The following DEPTOR variants were observed in gnomAD, a reference collection of about 807,000 sequenced individuals.
The protein encoded by DEPTOR is DEP domain containing MTOR interacting protein.
In DEPTOR, 41 loss-of-function variants were observed where a neutral mutation model predicts 41.6. That is an observed-to-expected ratio of 0.98 (90% CI 0.77 to 1.28). The LOEUF is 1.28. DEPTOR is among the 50% of genes most tolerant of loss of function. The pLI, the probability that DEPTOR is intolerant of heterozygous loss-of-function variation, is 0.00. For missense variants in DEPTOR, 514 were observed against 527.9 expected, an observed-to-expected ratio of 0.97 and a Z score of 0.26; for synonymous variants, 195 against 192.3, an observed-to-expected ratio of 1.01 and a Z score of -0.12.
intron 8 of DEPTOR, among the ~76,000 whole-genome samples, chr8:120,032,194 A>G (rs1812900915): frequency 6.8e-6 from 1 of 148,010 alleles, no homozygotes; most frequent in Non-Finnish European, 1.5e-5. Context: ...ACTTCATTCT[A>G]ATATGACACT....
At chr8:119,997,020 A>T (rs1586650708) in intron 4 of DEPTOR, among the ~76,000 whole-genome samples, 1 of 152,196 alleles carries the variant, frequency 6.6e-6, no homozygotes, top group East Asian at 1.9e-4. Flanking sequence ...TATCATATCA[A>T]AGTGTGATTG....
chr8:120,011,649 A>G (rs1025006827), intron 8 of DEPTOR, among the ~76,000 whole-genome samples: 5 of 152,208 alleles, frequency 3.3e-5, no homozygotes, highest in Admixed American at 1.3e-4. Flanking sequence ...CATTGCAACT[A>G]AAGACCTTGT....
chr8:120,047,210 T>C (rs187627673), intron 8 of DEPTOR, among the ~76,000 whole-genome samples: 58 of 151,994 alleles, frequency 3.8e-4, no homozygotes, highest in African/African-American at 1.3e-3. Context: ...TTAGTAGAGA[T>C]GGGGTTTCAC....
At chr8:119,993,492 T>C (rs1189468698) in intron 4 of DEPTOR, among the ~76,000 whole-genome samples, 1 of 152,208 alleles carries the variant, frequency 6.6e-6, no homozygotes, top group Admixed American at 6.6e-5. Flanking sequence ...CAGTTTTCAA[T>C]TACAACTGGT....
intron 3 of DEPTOR, among the ~76,000 whole-genome samples, chr8:119,944,531 A>C (rs1173478277): frequency 1.3e-5 from 2 of 151,920 alleles, no homozygotes; most frequent in African/African-American, 2.4e-5. Context: ...CAGCTTGACT[A>C]TAAGCTCTCT....
chr8:119,985,884 A>G (rs1828824281), intron 4 of DEPTOR, among the ~76,000 whole-genome samples: 1 of 90,822 alleles, frequency 1.1e-5, no homozygotes, highest in Non-Finnish European at 2.0e-5. Context: ...TGCTTGGTAA[A>G]TATTCCTCCA....
chr8:119,929,864 TA>T lies in DEPTOR; in HGVS notation c.352del (p.Arg118GlufsTer13). 6.2e-7 allele frequency: 1 copy of T among 1,613,956 alleles called. No individual in the cohort carries two copies. The highest frequency in any genetic ancestry group is 8.5e-7 in the Non-Finnish European group (1 of 1,179,866). On this transcript the variant is annotated frameshift_variant, in exon 3 of 9. Transcript: ENST00000286234. LOFTEE classifies it high-confidence loss of function. Reference sequence around the variant, plus strand: ...AGGATGTCAAACTCTTCTACCGCTTTAGAAAGGATGACGGCACCTTCCCATT... The same window carrying T: ...AGGATGTCAAACTCTTCTACCGCTTTGAAAGGATGACGGCACCTTCCCATT... Reference protein sequence around the residue: ...FKDVKLFYRFRKDDGTFPLDN... With the variant: ...FKDVKLFYRFXKDDGTFPLDN...
At chr8:119,941,137 G>A (rs922743116) in intron 3 of DEPTOR, among the ~76,000 whole-genome samples, 2 of 152,080 alleles carry the variant, frequency 1.3e-5, no homozygotes, top group Non-Finnish European at 2.9e-5. Flanking sequence ...ACTTTGGGAG[G>A]CTGAGGTGGG....
intron 1 of DEPTOR, among the ~76,000 whole-genome samples, chr8:119,885,305 C>A (rs2129689543): frequency 6.6e-6 from 1 of 152,162 alleles, no homozygotes; most frequent in East Asian, 1.9e-4. Context: ...GTGAAATGCC[C>A]CTTAATCATC....
At chr8:119,952,214 T>C (rs2129929215) in intron 3 of DEPTOR, among the ~76,000 whole-genome samples, 1 of 152,306 alleles carries the variant, frequency 6.6e-6, no homozygotes, top group South Asian at 2.1e-4. Context: ...AAGACCTGTA[T>C]GGATTGCTCC....
At chr8:119,910,539 G>A (rs551956928) in intron 1 of DEPTOR, among the ~76,000 whole-genome samples, 3 of 151,482 alleles carry the variant, frequency 2.0e-5, no homozygotes, top group African/African-American at 7.3e-5. Flanking sequence ...TACAACCTCC[G>A]CCTCCCGGTT....
At chr8:120,036,411 C>T (rs924191720) in intron 8 of DEPTOR, among the ~76,000 whole-genome samples, 1 of 152,178 alleles carries the variant, frequency 6.6e-6, no homozygotes, top group Non-Finnish European at 1.5e-5. Flanking sequence ...TAGAGGAAGA[C>T]TAGTTCTCTG....
chr8:119,920,690 G>A (rs562187052), intron 1 of DEPTOR, among the ~76,000 whole-genome samples: 1 of 152,292 alleles, frequency 6.6e-6, no homozygotes, highest in African/African-American at 2.4e-5. Flanking sequence ...GGTCAGGGTG[G>A]AAGGCCTCCT....
chr8:119,932,159 A>T (rs1432372501), intron 3 of DEPTOR, among the ~76,000 whole-genome samples: 12 of 151,094 alleles, frequency 7.9e-5, no homozygotes, highest in African/African-American at 2.9e-4. Context: ...TTTTTTTTTA[A>T]CTTTTTGTAG....
chr8:120,028,757 C>T (rs1812840549), intron 8 of DEPTOR, among the ~76,000 whole-genome samples: 1 of 151,596 alleles, frequency 6.6e-6, no homozygotes, highest in Admixed American at 6.6e-5. Context: ...ACCACCATGC[C>T]CAGCCCCTCC....
intron 4 of DEPTOR, among the ~76,000 whole-genome samples, chr8:119,976,910 G>T (rs1039847463): frequency 6.6e-6 from 1 of 152,184 alleles, no homozygotes; most frequent in African/African-American, 2.4e-5. Context: ...ACAGGAAAAT[G>T]AGTGCTTGGC....
intron 8 of DEPTOR, among the ~76,000 whole-genome samples, chr8:120,036,526 C>G (rs1457031910): frequency 1.3e-5 from 2 of 152,196 alleles, no homozygotes; most frequent in Admixed American, 1.3e-4. Context: ...GCTGAACATA[C>G]AGCTGCAAGT....
At chr8:119,955,235 C>A (rs1828403208) in intron 3 of DEPTOR, among the ~76,000 whole-genome samples, 1 of 152,118 alleles carries the variant, frequency 6.6e-6, no homozygotes. Context: ...AATATTTTCT[C>A]CCATTCTGTT....
intron 1 of DEPTOR, among the ~76,000 whole-genome samples, chr8:119,908,034 T>C (rs1417738135): frequency 6.6e-6 from 1 of 151,840 alleles, no homozygotes; most frequent in African/African-American, 2.4e-5. Context: ...AAAGACCAAG[T>C]GATTAGAGGA....
Sources: allele counts gnomAD v4.1 joint callset (sites outside exome capture counted in the v4.1 genomes callset), GRCh38; gene constraint gnomAD v4.1.1; transcripts MANE v1.5; gene names NCBI Gene and HGNC (gene_info 2026-07-23, HGNC 2026-07-21).